MPRIP: variants seen among roughly 807,000 people sequenced by gnomAD.
The protein encoded by MPRIP is myosin phosphatase Rho-interacting protein.
MPRIP carries 59 observed loss-of-function variants against 234.9 expected under a neutral mutation model. The observed-to-expected ratio is 0.25, with a 90% CI of 0.20 to 0.31. The LOEUF is 0.31. Ranked by LOEUF, MPRIP falls within the 10% of genes least tolerant of loss-of-function variation. The pLI is 1.00. For missense variants in MPRIP, 2,436 were observed against 3,071.0 expected (o/e 0.79, Z 4.89); for synonymous variants, 1,144 against 1,263.9 (o/e 0.91, Z 2.01).
chr17:17,176,480 T>A lies in MPRIP; in HGVS notation c.6925T>A (p.Ser2309Thr). ...ACAGTACCTGAAACAGGAGATTAGCTCCCTCAAGGATGAGCTGCAGACGGC... is the reference window on the plus strand; with the variant it reads ...ACAGTACCTGAAACAGGAGATTAGCACCCTCAAGGATGAGCTGCAGACGGC... ...EIQYLKQEIS[S>T]LKDELQTALR... Residue 2309 changes from serine to threonine, a missense_variant, in exon 21 of 24, where the codon TCC (serine) becomes ACC (threonine). Physicochemically the swap from Ser to Thr is moderately conservative, Grantham distance 58. Around this residue, in one of 4 missense-constraint regions of MPRIP, gnomAD observed 1,998 missense variants for 2,520.3 expected, o/e 0.79. Coordinates refer to ENST00000651222, the MANE Select transcript of MPRIP (RefSeq NM_001364716.4). 6.2e-7 allele frequency: 1 copy of A among 1,614,132 alleles called. No individual in the cohort carries two copies. Among genetic ancestry groups the A allele is most frequent in the Non-Finnish European group, 8.5e-7 (1 of 1,180,012 alleles).
chr17:17,081,871 T>A (rs537214033), intron 3 of MPRIP, among the ~76,000 whole-genome samples: 1 of 152,172 alleles, frequency 6.6e-6, no homozygotes, highest in African/African-American at 2.4e-5. Context: ...GAGGCAAATT[T>A]CCCGAAAAAG....
At chr17:17,127,191 C>T (rs938238289) in intron 4 of MPRIP, among the ~76,000 whole-genome samples, 6 of 152,236 alleles carry the variant, frequency 3.9e-5, no homozygotes, top group African/African-American at 1.4e-4. Context: ...ACGCCCTCCC[C>T]CAGTCTGGGA....
chr17:17,176,566 T>C (rs2046259000), intron 21 of MPRIP, 54 bp downstream of exon 21: 2 of 1,349,552 alleles, frequency 1.5e-6, no homozygotes, highest in Non-Finnish European at 2.1e-6. Flanking sequence ...CTAGGTGACA[T>C]GCGCCTCCTG....
intron 1 of MPRIP, among the ~76,000 whole-genome samples, chr17:17,048,484 G>A (rs1309808194): frequency 1.3e-5 from 2 of 152,136 alleles, no homozygotes; most frequent in East Asian, 3.8e-4. Flanking sequence ...TCCCCCCCTT[G>A]TAGAAGATCT....
chr17:17,174,154 A>G (rs1295796463), intron 19 of MPRIP, 79 bp downstream of exon 19: 2 of 1,513,288 alleles, frequency 1.3e-6, no homozygotes, highest in Non-Finnish European at 9.0e-7. Context: ...GTGAGTCCAC[A>G]CTGGAGCTGG....
rs921215681 is a variant in MPRIP, at chr17:17,136,764, C to CT, written c.736+315dup. ...GCAGGGTCTGTGGATGGGAAGGCCTCTGTCACTGCACCATCGTGTTTCTTT... is the reference window on the plus strand; with the variant it reads ...GCAGGGTCTGTGGATGGGAAGGCCTCTTGTCACTGCACCATCGTGTTTCTTT... On this transcript the variant is annotated intron_variant, in intron 6 of 23. Transcript: ENST00000651222. 2.6e-5 allele frequency among the ~76,000 whole-genome samples: 4 copies of CT among 152,234 alleles called. 1 individual carries two copies. The highest frequency in any genetic ancestry group is 9.6e-5 in the African/African-American group (4 of 41,458).
At chr17:17,142,581 C>A in intron 7 of MPRIP, 46 bp from the exon 8 acceptor site, 1 of 1,601,732 alleles carries the variant, frequency 6.2e-7, no homozygotes, top group South Asian at 1.1e-5. Flanking sequence ...TGCCACCTCA[C>A]AGCTCACCTC....
intron 3 of MPRIP, among the ~76,000 whole-genome samples, chr17:17,113,057 C>T (rs1354510797): frequency 6.6e-6 from 1 of 152,196 alleles, no homozygotes; most frequent in Admixed American, 6.5e-5. Context: ...GGGGACTCCC[C>T]AGGGTTGGGG....
At chr17:17,068,511 A>G (rs1354936308) in intron 1 of MPRIP, among the ~76,000 whole-genome samples, 2 of 149,236 alleles carry the variant, frequency 1.3e-5, no homozygotes, top group African/African-American at 4.9e-5. Flanking sequence ...TGATTTTTTC[A>G]TTGATTTCTA....
chr17:17,076,938 T>C (rs1002243280), intron 2 of MPRIP: 2 of 110,770 alleles, frequency 1.8e-5, no homozygotes, highest in African/African-American at 9.0e-5. Context: ...GCTCTTTGCT[T>C]TTTTTTTTTT....
intron 3 of MPRIP, among the ~76,000 whole-genome samples, chr17:17,108,657 G>A (rs1448758494): frequency 6.6e-6 from 1 of 152,226 alleles, no homozygotes; most frequent in Non-Finnish European, 1.5e-5. Context: ...TGGGCCCCCT[G>A]AAGCTGCTTC....
In MPRIP at chr17:17,051,550, G is replaced by A. The variant is rs2088541211; in HGVS notation, c.123+8579G>A. Among the ~76,000 whole-genome samples, 3 of 152,204 alleles carry A rather than the reference G, an allele frequency of 2.0e-5. No individual in the cohort carries two copies. In the South Asian group the frequency reaches 6.2e-4, roughly 31 times the overall value. On this transcript the variant is annotated intron_variant, in intron 1 of 23. Coordinates refer to ENST00000651222, the MANE Select transcript of MPRIP (RefSeq NM_001364716.4). ...CTCCCATCCTGGGGCGGGGTGGCGGGGGAGGGCCTTGGGTCATCTCTGGGG... is the reference window on the plus strand; with the variant it reads ...CTCCCATCCTGGGGCGGGGTGGCGGAGGAGGGCCTTGGGTCATCTCTGGGG...
chr17:17,119,637 C>T (rs571768656), intron 3 of MPRIP, among the ~76,000 whole-genome samples: 1 of 152,280 alleles, frequency 6.6e-6, no homozygotes, highest in South Asian at 2.1e-4. Flanking sequence ...AGTGAGCACC[C>T]AGGAAGTGGT....
rs1045555077 is a variant in MPRIP at position 17,188,698 on chromosome 17, A to G, written c.*3804A>G. On this transcript the variant is annotated 3_prime_UTR_variant, in exon 24 of 24. Transcript: ENST00000651222. ...TCTTAACTTTTGGGTACATGGAAAC[A>G]TGCTGAAAACTGAACACAATCCTGA... 12 of 152,272 alleles carry G rather than the reference A, an allele frequency of 7.9e-5. No homozygotes were observed. Among genetic ancestry groups the G allele is most frequent in the African/African-American group, 2.7e-4 (11 of 41,478 alleles). The allele number at this position is 152,272 out of a possible 1,614,324, so 9.4% of individuals were successfully genotyped here. A position where few individuals can be genotyped will look rare whatever the true frequency, so the allele number is the denominator to read the frequency against.
At position 17,142,859 on chromosome 17, in the gene MPRIP, A is replaced by T. The variant is rs1305109486; in HGVS notation, c.1389+94A>T. The T allele has an allele frequency of 1.9e-5, 27 of 1,415,200 alleles. No homozygotes were observed. In the East Asian group the frequency reaches 5.4e-4, roughly 29 times the overall value. The allele number at this position is 1,415,200 out of a possible 1,614,324, so 87.7% of individuals were successfully genotyped here. A position where few individuals can be genotyped will look rare whatever the true frequency, so the allele number is the denominator to read the frequency against. ...CAAGTCCCCTCCACACAGGCCTGGG[A>T]TGTGCTCCTGCCAGGCTTCTCTCCA... On this transcript the variant is annotated intron_variant, in intron 8 of 23. Coordinates refer to ENST00000651222, the MANE Select transcript of MPRIP (RefSeq NM_001364716.4).
chr17:17,147,067 C>T (rs2045483115), intron 10 of MPRIP, among the ~76,000 whole-genome samples: 1 of 152,266 alleles, frequency 6.6e-6, no homozygotes, highest in Admixed American at 6.5e-5. Context: ...ACAGCCAAGG[C>T]CTGCTCAGCT....
intron 22 of MPRIP, 135 bp downstream of exon 22, chr17:17,177,547 A>T: frequency 2.1e-6 from 2 of 957,704 alleles, no homozygotes; most frequent in Non-Finnish European, 3.1e-6. Flanking sequence ...CCAGTGGAGC[A>T]GGAGCACCAG....
At chr17:17,114,935 G>A (rs543466852) in intron 3 of MPRIP, among the ~76,000 whole-genome samples, 6 of 152,120 alleles carry the variant, frequency 3.9e-5, no homozygotes, top group African/African-American at 7.2e-5. Context: ...TATTTTCTCC[G>A]TTAAAAAAAA....
rs980565017 is a variant in MPRIP at position 17,188,012 on chromosome 17, G to C, written c.*3118G>C. 6.6e-6 allele frequency: 1 copy of C among 152,278 alleles called. No individual in the cohort carries two copies. The highest frequency in any genetic ancestry group is 2.4e-5 in the African/African-American group (1 of 41,468). 9.4% of individuals were successfully genotyped at this position (152,278 alleles called of 1,614,324 possible). ...ATGGGAAAGCGAGGCAGTTGTGCTC[G>C]TGTGAGTTTCTGCAGGCTTGTGGGT... On this transcript the variant is annotated 3_prime_UTR_variant, in exon 24 of 24. Transcript: ENST00000651222.
Sources: allele counts gnomAD v4.1 joint callset (sites outside exome capture counted in the v4.1 genomes callset), GRCh38; gene constraint gnomAD v4.1.1; regional missense constraint gnomAD v4.1.1; transcripts MANE v1.5; gene names NCBI Gene and HGNC (gene_info 2026-07-23, HGNC 2026-07-21).